Variants in GLIS1 observed in about 807,000 individuals in gnomAD.
GLIS1 encodes the protein zinc finger protein GLIS1.
In GLIS1, 24 loss-of-function variants were observed where a neutral mutation model predicts 63.8. The observed-to-expected ratio is 0.38, with a 90% CI of 0.27 to 0.53. GLIS1 has a LOEUF of 0.53. Ranked by LOEUF, GLIS1 falls within the 20% of genes least tolerant of loss-of-function variation. The pLI, the probability that GLIS1 is intolerant of heterozygous loss-of-function variation, is 0.85. For synonymous variants in GLIS1, 450 were observed against 482.5 expected, an observed-to-expected ratio of 0.93 and a Z score of 0.88; for missense variants, 1,036 against 1,074.1, an observed-to-expected ratio of 0.96 and a Z score of 0.50.
intron 10 of GLIS1, among the ~76,000 whole-genome samples, chr1:53,508,091 G>A (rs1042492680): frequency 6.6e-6 from 1 of 152,224 alleles, no homozygotes. Context: ...ACAGCCATGA[G>A]TCGTGGGGTG....
chr1:53,670,541 C>G (rs1395171032), intron 2 of GLIS1, among the ~76,000 whole-genome samples: 1 of 152,226 alleles, frequency 6.6e-6, no homozygotes, highest in Non-Finnish European at 1.5e-5. Context: ...TAGCAGTTCT[C>G]TAAGAGGAAG....
rs184412888 is a variant in GLIS1 at position 53,599,314 on chromosome 1, G to C, written c.437+787C>G. Among the ~76,000 whole-genome samples the C allele has an allele frequency of 2.6e-4, 39 of 152,314 alleles. No homozygotes were observed. The East Asian group carries it at 7.3e-3, about 29-fold the overall frequency. On this transcript the variant is annotated intron_variant, in intron 3 of 10. Coordinates refer to ENST00000628545, the MANE Select transcript of GLIS1 (RefSeq NM_001367484.1). ...CTCATGTATGGATGAATCCGTTCAC[G>C]GGTTAATGGATGATCATGGGAGTGG... is the stretch of plus-strand genomic sequence containing the variant.
rs145074391 is a variant in GLIS1 at position 53,665,077 on chromosome 1, A to G, written c.260-64799T>C. The stretch of plus-strand genomic sequence containing the variant: ...CGCAGCCACTGGAGGGTTCCGAGAG[A>G]GCCTATATAGCAGGGAGGCCAGACA... On this transcript the variant is annotated intron_variant, in intron 2 of 10. Coordinates refer to ENST00000628545, the MANE Select transcript of GLIS1 (RefSeq NM_001367484.1). Among the ~76,000 whole-genome samples the G allele has an allele frequency of 4.5e-3, 688 of 152,226 alleles. 4 individuals are homozygous for G. The highest frequency in any genetic ancestry group is 0.014 in the African/African-American group (576 of 41,518).
intron 4 of GLIS1, among the ~76,000 whole-genome samples, chr1:53,531,659 ACACG>A: frequency 6.6e-6 from 1 of 152,126 alleles, no homozygotes; most frequent in African/African-American, 2.4e-5. Context: ...GGAGATGCAC[ACACG>A]CACACCACCA....
intron 2 of GLIS1, among the ~76,000 whole-genome samples, chr1:53,654,916 G>A (rs1645948339): frequency 1.3e-5 from 2 of 152,222 alleles, no homozygotes; most frequent in Admixed American, 1.3e-4. Flanking sequence ...TCTCTGAAGA[G>A]GGAAGTGGGT....
intron 2 of GLIS1, among the ~76,000 whole-genome samples, chr1:53,672,360 C>T (rs887220887): frequency 2.6e-5 from 4 of 152,226 alleles, no homozygotes; most frequent in African/African-American, 9.6e-5. Context: ...TTCTACCCAC[C>T]TGACTCAACT....
At chr1:53,725,204 A>G (rs1251150696) in intron 2 of GLIS1, among the ~76,000 whole-genome samples, 1 of 152,218 alleles carries the variant, frequency 6.6e-6, no homozygotes, top group Non-Finnish European at 1.5e-5. Context: ...TTAAGCCACC[A>G]GAATCGGCAA....
At chr1:53,623,321 T>C (rs1033972230) in intron 2 of GLIS1, among the ~76,000 whole-genome samples, 1 of 152,150 alleles carries the variant, frequency 6.6e-6, no homozygotes, top group South Asian at 2.1e-4. Flanking sequence ...ATCAGCTCCA[T>C]AGACACAGAA....
intron 4 of GLIS1, among the ~76,000 whole-genome samples, chr1:53,549,644 A>C (rs557725669): frequency 1.1e-4 from 16 of 152,336 alleles, no homozygotes; most frequent in African/African-American, 3.6e-4. Context: ...AAGTTGAAAG[A>C]GTTCTTAATA....
intron 2 of GLIS1, among the ~76,000 whole-genome samples, chr1:53,726,723 C>T (rs1195883339): frequency 6.6e-6 from 1 of 152,172 alleles, no homozygotes; most frequent in African/African-American, 2.4e-5. Context: ...CAACCTCCCC[C>T]AGCCCTAGGG....
intron 3 of GLIS1, among the ~76,000 whole-genome samples, chr1:53,595,301 G>A (rs1304747588): frequency 6.6e-6 from 1 of 152,164 alleles, no homozygotes; most frequent in Non-Finnish European, 1.5e-5. Flanking sequence ...AGGACTGCTT[G>A]AGTCCAGGAG....
At chr1:53,591,305 C>T (rs1645191104) in intron 4 of GLIS1, among the ~76,000 whole-genome samples, 1 of 152,186 alleles carries the variant, frequency 6.6e-6, no homozygotes, top group Non-Finnish European at 1.5e-5. Context: ...CACCCCACCG[C>T]AGGCAAGAGG....
intron 2 of GLIS1, among the ~76,000 whole-genome samples, chr1:53,660,276 C>G (rs2948047): frequency 1.3e-5 from 2 of 152,152 alleles, no homozygotes; most frequent in African/African-American, 4.8e-5. Context: ...CCATGCCTCC[C>G]TTGCCCCAGC....
intron 2 of GLIS1, among the ~76,000 whole-genome samples, chr1:53,622,427 C>CAAAAAAAAAAAAAAAA: frequency 7.6e-6 from 1 of 132,308 alleles, no homozygotes; most frequent in Non-Finnish European, 1.6e-5. Context: ...GACTATGTCT[C>CAAAAAAAAAAAAAAAA]AAAAAAAAAA....
rs1644479578 is a variant in GLIS1 at position 53,527,226 on chromosome 1, A to G, written c.1483-2339T>C. Among the ~76,000 whole-genome samples, 3 of 152,234 alleles carry G rather than the reference A, an allele frequency of 2.0e-5. No homozygotes were observed. The South Asian group carries it at 6.2e-4, about 31-fold the overall frequency. On this transcript the variant is annotated intron_variant, in intron 5 of 10. Transcript: ENST00000628545. ...CTCGGTGGCCTCGAATGGTCCAGTG[A>G]AGTGGGCAGGGGAGAGAGAATCATC...
chr1:53,674,769 T>C (rs1221347432), intron 2 of GLIS1, among the ~76,000 whole-genome samples: 1 of 152,116 alleles, frequency 6.6e-6, no homozygotes, highest in African/African-American at 2.4e-5. Context: ...TGAGCTGAAG[T>C]CATTCACATA....
Position 53,646,445 on chromosome 1 carries a change from T to C in GLIS1, c.260-46167A>G, listed in dbSNP as rs1330676723. On this transcript the variant is annotated intron_variant, in intron 2 of 10. Transcript: ENST00000628545. This position sits in a 1 kb window ranked among gnomAD's most constrained non-coding sequence, Gnocchi z 4.2. ...AAGGGAATTTTTTAGATATCATTTA[T>C]GGTAACATAGAATAACATCAAATAC... Among the ~76,000 whole-genome samples, 2 of 152,238 alleles carry C rather than the reference T, an allele frequency of 1.3e-5. No homozygotes were observed. Among genetic ancestry groups the C allele is most frequent in the Non-Finnish European group, 2.9e-5 (2 of 68,044 alleles).
intron 5 of GLIS1, among the ~76,000 whole-genome samples, chr1:53,528,956 G>A (rs1033023832): frequency 2.0e-5 from 3 of 152,182 alleles, no homozygotes; most frequent in African/African-American, 7.2e-5. Context: ...CCAGGGCCTA[G>A]TGTAAGGCCC....
At chr1:53,625,876 G>A (rs1179206424) in intron 2 of GLIS1, among the ~76,000 whole-genome samples, 1 of 152,228 alleles carries the variant, frequency 6.6e-6, no homozygotes, top group African/African-American at 2.4e-5. Flanking sequence ...GGCGCAGGTG[G>A]CCATAACGCT....
Sources: allele counts gnomAD v4.1 joint callset (sites outside exome capture counted in the v4.1 genomes callset), GRCh38; gene constraint gnomAD v4.1.1; non-coding constraint Gnocchi (gnomAD v3.1); transcripts MANE v1.5; gene names NCBI Gene and HGNC (gene_info 2026-07-23, HGNC 2026-07-21).